The following COMMD1 variants were observed in gnomAD, a reference collection of about 807,000 sequenced individuals.
COMMD1 encodes COMM domain-containing protein 1.
Under a neutral mutation model 17.2 loss-of-function variants are expected in COMMD1, and 10 were observed. That is an observed-to-expected ratio of 0.58 (90% CI 0.36 to 0.99). The LOEUF is 0.99. Among genes scored for constraint, COMMD1 ranks in the 50% least tolerant of loss-of-function variants. The probability of loss-of-function intolerance (pLI) is 0.01; values close to 1 mark genes in which losing one functional copy is unlikely to be tolerated. For synonymous variants in COMMD1, 97 were observed against 91.6 expected, an observed-to-expected ratio of 1.06 and a Z score of -0.34; for missense variants, 270 against 231.8, an observed-to-expected ratio of 1.17 and a Z score of -1.07.
At chr2:62,066,102 A>G (rs576687227) in intron 2 of COMMD1, among the ~76,000 whole-genome samples, 2 of 152,314 alleles carry the variant, frequency 1.3e-5, no homozygotes, top group African/African-American at 4.8e-5. Context: ...ATTTGAATTG[A>G]CTAAGGGTAC....
At chr2:62,008,898 C>T (rs1474434813) in intron 2 of COMMD1, among the ~76,000 whole-genome samples, 8 of 152,118 alleles carry the variant, frequency 5.3e-5, no homozygotes. Context: ...ATTCTTCTGC[C>T]TCAGTCTCCC....
At chr2:61,968,043 C>A (rs1015798441) in intron 1 of COMMD1, among the ~76,000 whole-genome samples, 1 of 152,242 alleles carries the variant, frequency 6.6e-6, no homozygotes, top group South Asian at 2.1e-4. Context: ...TGCCTGTAAT[C>A]CCAGCTACTT....
At chr2:62,052,419 C>T (rs375292009) in intron 2 of COMMD1, among the ~76,000 whole-genome samples, 43 of 152,250 alleles carry the variant, frequency 2.8e-4, no homozygotes, top group Admixed American at 7.8e-4. Context: ...CTCTGTCCCA[C>T]GTATCTTCAG....
intron 2 of COMMD1, among the ~76,000 whole-genome samples, chr2:62,113,192 A>T (rs1396726148): frequency 3.0e-5 from 4 of 134,566 alleles, no homozygotes; most frequent in African/African-American, 1.4e-4. Context: ...AAAAAAATTA[A>T]AAAAAAAAAA....
intron 1 of COMMD1, among the ~76,000 whole-genome samples, chr2:61,916,067 C>T (rs1670043166): frequency 6.6e-6 from 1 of 152,152 alleles, no homozygotes; most frequent in South Asian, 2.1e-4. Context: ...ACCTGTCGGG[C>T]TCAAGTGATT....
intron 2 of COMMD1, among the ~76,000 whole-genome samples, chr2:62,063,335 C>T (rs549311901): frequency 2.0e-5 from 3 of 152,254 alleles, no homozygotes; most frequent in African/African-American, 7.2e-5. Context: ...GAAGTTGAGG[C>T]ATGTGCCACC....
At chr2:62,122,195 A>G (rs1672767886) in intron 2 of COMMD1, among the ~76,000 whole-genome samples, 1 of 152,120 alleles carries the variant, frequency 6.6e-6, no homozygotes, top group Admixed American at 6.5e-5. Context: ...ATTTTATTTT[A>G]TTTTGTTGGA....
At chr2:62,115,969 C>T (rs546468747) in intron 2 of COMMD1, among the ~76,000 whole-genome samples, 49 of 150,954 alleles carry the variant, frequency 3.2e-4, no homozygotes, top group African/African-American at 1.2e-3. Context: ...TCTCTCACCT[C>T]AGCCTCCCAA....
At chr2:61,970,081 A>C (rs888429749) in intron 1 of COMMD1, among the ~76,000 whole-genome samples, 5 of 151,736 alleles carry the variant, frequency 3.3e-5, no homozygotes, top group African/African-American at 1.2e-4. Context: ...ATATGATGAA[A>C]CCCCATCTCT....
upstream of COMMD1, among the ~76,000 whole-genome samples, chr2:61,903,720 T>G (rs1351737276): frequency 6.6e-6 from 1 of 151,486 alleles, no homozygotes; most frequent in Non-Finnish European, 1.5e-5. Context: ...GCCTGGCTAA[T>G]TTTTGTATTT....
intron 1 of COMMD1, among the ~76,000 whole-genome samples, chr2:61,921,569 G>T (rs1217957774): frequency 6.6e-6 from 1 of 151,998 alleles, no homozygotes; most frequent in Non-Finnish European, 1.5e-5. Flanking sequence ...TCAGCCTCCC[G>T]AGTAGCTGGG....
chr2:62,019,131 C>CCCTTCCTTCCTT (rs1239787487), intron 2 of COMMD1, among the ~76,000 whole-genome samples: 1 of 91,832 alleles, frequency 1.1e-5, no homozygotes, highest in East Asian at 2.8e-4. Context: ...CTCCCTCCCT[C>CCCTTCCTTCCTT]CCTTCCTTCC....
intron 2 of COMMD1, among the ~76,000 whole-genome samples, chr2:62,021,866 A>G (rs1669620945): frequency 6.6e-6 from 1 of 152,170 alleles, no homozygotes; most frequent in South Asian, 2.1e-4. Flanking sequence ...TGTTTTAATC[A>G]CTGTGTTTTT....
chr2:62,134,132 T>C (rs1473232424), intron 2 of COMMD1, among the ~76,000 whole-genome samples: 1 of 151,756 alleles, frequency 6.6e-6, no homozygotes, highest in Non-Finnish European at 1.5e-5. Flanking sequence ...AAGTTTCTGC[T>C]CTTGGCCAGA....
chr2:62,087,124 A>T (rs1004035978), intron 2 of COMMD1, among the ~76,000 whole-genome samples: 1 of 152,166 alleles, frequency 6.6e-6, no homozygotes, highest in Non-Finnish European at 1.5e-5. Flanking sequence ...CACCTGGCTG[A>T]TATTGGAAGA....
At chr2:61,974,671 CA>C (rs1276306424) in intron 1 of COMMD1, among the ~76,000 whole-genome samples, 2,266 of 52,352 alleles carry the variant, frequency 0.043, 40 homozygotes, top group African/African-American at 0.13. Flanking sequence ...GACTCCATCT[CA>C]AAAAAAAAAA....
At chr2:62,104,494 C>T (rs996765035) in intron 2 of COMMD1, among the ~76,000 whole-genome samples, 2 of 151,588 alleles carry the variant, frequency 1.3e-5, no homozygotes, top group East Asian at 2.0e-4. Context: ...ATTAGCTGGG[C>T]GTGGTGATGG....
intron 1 of COMMD1, among the ~76,000 whole-genome samples, chr2:61,973,281 A>G: frequency 6.6e-6 from 1 of 152,138 alleles, no homozygotes; most frequent in Non-Finnish European, 1.5e-5. Flanking sequence ...GTTGCAGAGG[A>G]GTTGCTTTGG....
chr2:61,938,700 C>G (rs1670663000), intron 1 of COMMD1, among the ~76,000 whole-genome samples: 1 of 152,272 alleles, frequency 6.6e-6, no homozygotes, highest in Non-Finnish European at 1.5e-5. Flanking sequence ...TTGCTGTGGA[C>G]TCCTACGGAT....
Sources: gnomAD v4.1 joint callset for allele counts (sites outside exome capture counted in the v4.1 genomes callset) on GRCh38, gnomAD v4.1.1 for gene constraint, MANE v1.5 for transcripts, NCBI Gene and HGNC (gene_info 2026-07-23, HGNC 2026-07-21) for gene names.